Variants in U2SURP observed in about 807,000 individuals in gnomAD.
The protein encoded by U2SURP is U2 snRNP-associated SURP motif-containing protein.
A neutral mutation model predicts 144.9 loss-of-function variants in U2SURP; 9 were observed. The observed-to-expected ratio is 0.06, with a 90% CI of 0.04 to 0.11. U2SURP has a LOEUF of 0.11. Ranked by LOEUF, U2SURP falls within the 10% of genes least tolerant of loss-of-function variation. The pLI is 1.00. For missense variants in U2SURP, 724 were observed against 1,226.7 expected (o/e 0.59, Z 6.12); for synonymous variants, 408 against 396.8 (o/e 1.03, Z -0.33).
At chr3:143,010,711 A>C in intron 1 of U2SURP, 104 bp from the exon 2 acceptor site, 4 of 735,332 alleles carry the variant, frequency 5.4e-6, no homozygotes, top group Non-Finnish European at 8.3e-6. Flanking sequence ...GCTGAGGAGA[A>C]ATTGCCAGAA....
chr3:143,011,964 G>T (rs764469599), intron 2 of U2SURP: 63 of 575,602 alleles, frequency 1.1e-4, no homozygotes, highest in Non-Finnish European at 1.8e-4. Flanking sequence ...TCTTGAAAAT[G>T]AAGGTAACGA....
Position 143,036,044 on chromosome 3 carries a change from G to A in U2SURP, c.2004G>A (p.Leu668=), listed in dbSNP as rs748170968. 7.4e-6 allele frequency: 12 copies of A among 1,610,880 alleles called. No individual in the cohort carries two copies. In the Admixed American group the frequency reaches 1.9e-4, roughly 25 times the overall value. The part of the protein sequence containing the change: ...EDWAIYPEPF[L]IKLQNIFLGL... ...GGGCAATTTATCCAGAACCATTTTT[G>A]ATCAAACTACAAAATATTTTCTTAG... is the stretch of plus-strand genomic sequence containing the variant. The change falls in exon 20 of 28, where the codon TTG becomes TTA. Residue 668 remains leucine, a synonymous_variant. Transcript: ENST00000473835.
At chr3:143,013,954 C>A (rs977611268) in intron 3 of U2SURP, among the ~76,000 whole-genome samples, 10 of 152,050 alleles carry the variant, frequency 6.6e-5, no homozygotes, top group African/African-American at 2.4e-4. Context: ...ATTTGAGGAT[C>A]TGTTTTCTGT....
At chr3:143,026,966 C>T in intron 13 of U2SURP, 183 bp from the exon 14 acceptor site, 1 of 476,754 alleles carries the variant, frequency 2.1e-6, no homozygotes, top group Non-Finnish European at 3.8e-6. Flanking sequence ...CCTACTCCCA[C>T]TGCCCCACAC....
chr3:143,002,981 A>C (rs1316994558), intron 1 of U2SURP, among the ~76,000 whole-genome samples: 1 of 152,194 alleles, frequency 6.6e-6, no homozygotes, highest in Non-Finnish European at 1.5e-5. Flanking sequence ...TGACAAGAAC[A>C]TACCGTTAGG....
chr3:143,013,815 G>A (rs575664688), intron 3 of U2SURP, among the ~76,000 whole-genome samples: 11 of 152,014 alleles, frequency 7.2e-5, no homozygotes, highest in Non-Finnish European at 1.6e-4. Context: ...ATAAATATCA[G>A]TATTATTGAC....
intron 23 of U2SURP, among the ~76,000 whole-genome samples, chr3:143,042,203 C>T (rs530091226): frequency 6.6e-6 from 1 of 152,118 alleles, no homozygotes; most frequent in African/African-American, 2.4e-5. Flanking sequence ...TTTTTATTTT[C>T]TTGTCTGACC....
At chr3:143,015,410 TTTCCC>T (rs751185867) in intron 4 of U2SURP, among the ~76,000 whole-genome samples, 1 of 142,886 alleles carries the variant, frequency 7.0e-6, no homozygotes, top group Non-Finnish European at 1.5e-5. Context: ...TTTATCAGTC[TTTCCC>T]TATGATTTCT....
chr3:143,018,294 T>C (rs367743349), intron 6 of U2SURP, among the ~76,000 whole-genome samples: 3 of 152,182 alleles, frequency 2.0e-5, no homozygotes, highest in African/African-American at 7.2e-5. Flanking sequence ...GATGGTATTA[T>C]ATAACGTGGT....
chr3:143,031,705 A>G (rs185567318), intron 16 of U2SURP, among the ~76,000 whole-genome samples: 34 of 152,332 alleles, frequency 2.2e-4, no homozygotes, highest in African/African-American at 8.2e-4. Context: ...CTATATTGTG[A>G]TATTTGCTTT....
chr3:143,016,726 AAT>A, intron 5 of U2SURP, 114 bp from the exon 6 acceptor site: 1 of 872,320 alleles, frequency 1.1e-6, no homozygotes, highest in Non-Finnish European at 1.7e-6. Flanking sequence ...CATATTTGTT[AAT>A]AGTGATACAT....
rs1039365516 is a variant in U2SURP at position 143,032,721 on chromosome 3, A to G, written c.1611-63A>G. ...TTTTAAAGAAATTAGTTTGTGAGCA[A>G]AAGCTACAATGGCATTTGAAATTGT... On this transcript the variant is annotated intron_variant, in intron 16 of 27. Transcript: ENST00000473835. The G allele has an allele frequency of 9.8e-6, 14 of 1,434,592 alleles. No individual in the cohort carries two copies. The African/African-American group carries it at 1.7e-4, about 18-fold the overall frequency. 88.9% of individuals were successfully genotyped at this position (1,434,592 alleles called of 1,614,324 possible).
intron 17 of U2SURP, 39 bp downstream of exon 17, chr3:143,032,985 C>T (rs374594713): frequency 1.7e-5 from 27 of 1,590,168 alleles, no homozygotes; most frequent in South Asian, 4.6e-5. Flanking sequence ...AGATAGTTGA[C>T]GTCTTTTGGG....
At chr3:143,010,791 G>C (rs758853800) in intron 1 of U2SURP, 24 bp from the exon 2 acceptor site, 1 of 1,582,062 alleles carries the variant, frequency 6.3e-7, no homozygotes, top group Middle Eastern at 1.8e-4. Flanking sequence ...TTAAATTATT[G>C]ACTTTTATTT....
intron 13 of U2SURP, among the ~76,000 whole-genome samples, chr3:143,025,337 T>G (rs1351804138): frequency 6.6e-6 from 1 of 152,176 alleles, no homozygotes; most frequent in Admixed American, 6.5e-5. Context: ...GAGTGTGCGT[T>G]TTGCCGAAAG....
chr3:143,037,524 A>G (rs1214286595), intron 21 of U2SURP, among the ~76,000 whole-genome samples, 189 bp downstream of exon 21: 1 of 152,182 alleles, frequency 6.6e-6, no homozygotes, highest in South Asian at 2.1e-4. Context: ...TGCTATGTAT[A>G]TAAAAGGCCA....
intron 24 of U2SURP, among the ~76,000 whole-genome samples, chr3:143,046,776 C>T (rs1246966781): frequency 3.1e-5 from 4 of 128,576 alleles, no homozygotes; most frequent in Non-Finnish European, 6.4e-5. Context: ...CCTTTCCCCC[C>T]CTTCTATTCC....
intron 24 of U2SURP, among the ~76,000 whole-genome samples, chr3:143,045,850 G>A (rs2353409): frequency 0.7 from 106,613 of 152,122 alleles, 37,942 homozygotes; most frequent in African/African-American, 0.84. Flanking sequence ...CTTCTCTTGT[G>A]TTTCCTCTGA....
Position 143,051,801 on chromosome 3 carries a change from TAG to T in U2SURP, c.2655+753_2655+754del, listed in dbSNP as rs1491557872. 2.8e-3 allele frequency among the ~76,000 whole-genome samples: 428 copies of T among 152,176 alleles called. 3 individuals carry two copies. The highest frequency in any genetic ancestry group is 9.7e-3 in the African/African-American group (403 of 41,518). ...AGTACTGCTCTCTGCTGTGTACTCC[TAG>T]GCAAGTCACTGCAGCCTGCTTTTTC... is the stretch of plus-strand genomic sequence containing the variant. On this transcript the variant is annotated intron_variant, in intron 25 of 27. Transcript: ENST00000473835.
Sources: gnomAD v4.1 joint callset for allele counts (sites outside exome capture counted in the v4.1 genomes callset) on GRCh38, gnomAD v4.1.1 for gene constraint, MANE v1.5 for transcripts, NCBI Gene and HGNC (gene_info 2026-07-23, HGNC 2026-07-21) for gene names.